The following PACRGL variants were observed in gnomAD, a reference collection of about 807,000 sequenced individuals.
PACRGL encodes the protein parkin coregulated like.
A neutral mutation model predicts 34.5 loss-of-function variants in PACRGL; 38 were observed. The ratio of observed to expected loss-of-function variants is 1.10; its 90% confidence interval spans 0.85 to 1.44. PACRGL has a LOEUF of 1.44. Ranked by LOEUF, PACRGL falls within the 40% of genes most tolerant of loss-of-function variation. PACRGL has a pLI of 0.00. For missense variants in PACRGL, 305 were observed against 281.4 expected, an observed-to-expected ratio of 1.08 and a Z score of -0.60; for synonymous variants, 128 against 100.1, an observed-to-expected ratio of 1.28 and a Z score of -1.66.
At chr4:20,710,473 G>A (rs1040506315) in intron 5 of PACRGL, among the ~76,000 whole-genome samples, 2 of 152,062 alleles carry the variant, frequency 1.3e-5, no homozygotes, top group South Asian at 2.1e-4. Flanking sequence ...GTTAAGGATC[G>A]TTTTGTTGTC....
downstream of PACRGL, among the ~76,000 whole-genome samples, chr4:20,735,002 C>A (rs1749247154): frequency 6.6e-6 from 1 of 152,092 alleles, no homozygotes; most frequent in African/African-American, 2.4e-5. Flanking sequence ...CAGCTAGAGG[C>A]TTGAGTATAA....
intron 8 of PACRGL, among the ~76,000 whole-genome samples, chr4:20,744,875 T>C (rs765022637): frequency 7.9e-5 from 12 of 152,316 alleles, no homozygotes; most frequent in Middle Eastern, 3.4e-3. Flanking sequence ...CATTTGGTGC[T>C]CCATGATGTT....
chr4:20,752,707 A>G (rs1421927067), exon 9 of PACRGL: 5 of 152,202 alleles, frequency 3.3e-5, no homozygotes, highest in Non-Finnish European at 5.9e-5. Context: ...AAGACAGTGG[A>G]AAGTTTTAAA....
chr4:20,751,466 C>G (rs572262300), intron 8 of PACRGL, among the ~76,000 whole-genome samples: 1 of 152,024 alleles, frequency 6.6e-6, no homozygotes, highest in East Asian at 1.9e-4. Context: ...TTTTCATGTA[C>G]TTCTTGAACT....
At position 20,729,896 on chromosome 4, in the gene PACRGL, A is replaced by C; in HGVS notation, c.*2555A>C. 1.8e-6 allele frequency: 1 copy of C among 558,668 alleles called. No homozygotes were observed. The highest frequency in any genetic ancestry group is 2.9e-6 in the Non-Finnish European group (1 of 343,828). The allele number at this position is 558,668 out of a possible 1,614,324, so 34.6% of individuals were successfully genotyped here. On this transcript the variant is annotated 3_prime_UTR_variant, in exon 9 of 9. Transcript: ENST00000503585. ...TCCCCTGAACTCAGTGGCATTATGA[A>C]AAGGATGCAAATTTATAACTGAAAG...
intron 7 of PACRGL, chr4:20,716,386 A>C (rs2149127265): frequency 1.7e-6 from 1 of 576,034 alleles, no homozygotes; most frequent in South Asian, 2.3e-5. Flanking sequence ...TCTAGGGTAC[A>C]TGTGCACAAC....
chr4:20,732,737 T>C (rs916331087), downstream of PACRGL: 1 of 1,612,816 alleles, frequency 6.2e-7, no homozygotes, highest in Non-Finnish European at 8.5e-7. Flanking sequence ...ACAGGATATG[T>C]ACATTTACCC....
chr4:20,753,853 A>C (rs1754053071), downstream of PACRGL, among the ~76,000 whole-genome samples: 1 of 152,170 alleles, frequency 6.6e-6, no homozygotes, highest in Non-Finnish European at 1.5e-5. Context: ...ACTTGCATAC[A>C]GCGGCTGCTT....
chr4:20,765,688 A>G, the PACRGL span, among the ~76,000 whole-genome samples: 1 of 152,176 alleles, frequency 6.6e-6, no homozygotes, highest in Non-Finnish European at 1.5e-5. Context: ...TGGCTGGTAT[A>G]CTTATCTATG....
downstream of PACRGL, among the ~76,000 whole-genome samples, chr4:20,753,286 G>A (rs138435690): frequency 2.3e-3 from 355 of 152,156 alleles, 8 homozygotes; most frequent in South Asian, 0.046. Flanking sequence ...CTTAGAAATC[G>A]AGGATACTAG....
At chr4:20,701,146 CA>C (rs2149023659) in intron 1 of PACRGL, among the ~76,000 whole-genome samples, 1 of 152,316 alleles carries the variant, frequency 6.6e-6, no homozygotes, top group Non-Finnish European at 1.5e-5. Context: ...GATTAGAAAG[CA>C]GGGCTCTGCT....
At chr4:20,698,760 G>T (rs16869859), upstream of PACRGL, among the ~76,000 whole-genome samples, 9,272 of 152,242 alleles carry the variant, frequency 0.061, 338 homozygotes, top group Admixed American at 0.098. Context: ...CATCGTCCAT[G>T]GTTCATACAC....
At chr4:20,751,044 G>A (rs957025028) in intron 8 of PACRGL, among the ~76,000 whole-genome samples, 1 of 152,136 alleles carries the variant, frequency 6.6e-6, no homozygotes, top group Non-Finnish European at 1.5e-5. Context: ...CCTCCTTACA[G>A]GTTGTTTTTC....
chr4:20,731,993 T>A lies in PACRGL; in HGVS notation c.*4652T>A, dbSNP rs1390254448. The A allele has an allele frequency of 6.2e-7, 1 of 1,613,070 alleles. No homozygotes were observed. Among genetic ancestry groups the A allele is most frequent in the South Asian group, 1.1e-5 (1 of 90,998 alleles). On this transcript the variant is annotated 3_prime_UTR_variant, in exon 9 of 9. Coordinates refer to ENST00000503585, the MANE Select transcript of PACRGL (RefSeq NM_001258345.3). ...ATAGCTGAATTGATAGTTATTACAC[T>A]TTCATTACTTACTTTTTGGCAGCTT...
At chr4:20,715,873 A>C (rs1348203041) in intron 7 of PACRGL, among the ~76,000 whole-genome samples, 2 of 152,136 alleles carry the variant, frequency 1.3e-5, no homozygotes, top group Admixed American at 6.5e-5. Flanking sequence ...TCAAAAAAAA[A>C]CCAAAAGTCG....
At chr4:20,742,306 C>G (rs960864742) in intron 8 of PACRGL, among the ~76,000 whole-genome samples, 4 of 152,258 alleles carry the variant, frequency 2.6e-5, no homozygotes, top group Admixed American at 6.5e-5. Flanking sequence ...AACATCGATG[C>G]AAAAATCCTC....
Position 20,704,761 on chromosome 4 carries a change from A to G in PACRGL, c.154A>G (p.Arg52Gly), listed in dbSNP as rs780108245. 5 of 1,614,038 alleles carry G rather than the reference A, an allele frequency of 3.1e-6. 1 individual carries two copies. Among genetic ancestry groups the G allele is most frequent in the Middle Eastern group, 3.3e-4 (2 of 6,084 alleles). ...SLSTSSPESARKLHPRPSDKL... is the reference protein window; with the variant it reads ...SLSTSSPESAGKLHPRPSDKL... ...GTCAACCAGTTCTCCAGAGTCTGCA[A>G]GAAAACTTCATCCTAGACCAAGTGA... Residue 52 changes from arginine (R) to glycine (G), a missense_variant, in exon 3 of 9, where the codon AGA (arginine) becomes GGA (glycine). Arg to Gly is a moderately radical substitution (Grantham distance 125). Coordinates refer to ENST00000503585, the MANE Select transcript of PACRGL (RefSeq NM_001258345.3).
chr4:20,736,162 T>C (rs191293494), downstream of PACRGL, among the ~76,000 whole-genome samples: 1 of 152,364 alleles, frequency 6.6e-6, no homozygotes. Flanking sequence ...ATAAATAGTT[T>C]GTATTTACTT....
intron 8 of PACRGL, chr4:20,749,556 G>A: frequency 1.4e-6 from 1 of 700,042 alleles, no homozygotes; most frequent in South Asian, 2.2e-5. Flanking sequence ...GTGTCCTTGG[G>A]CTTTCTTTCC....
Sources: allele counts gnomAD v4.1 joint callset (sites outside exome capture counted in the v4.1 genomes callset), GRCh38; gene constraint gnomAD v4.1.1; transcripts MANE v1.5; gene names NCBI Gene and HGNC (gene_info 2026-07-23, HGNC 2026-07-21).